The following ARHGAP15 variants were observed in gnomAD, a reference collection of about 807,000 sequenced individuals.
The protein encoded by ARHGAP15 is Rho GTPase activating protein 15, also known as rho GTPase-activating protein 15.
ARHGAP15 carries 51 observed loss-of-function variants against 63.7 expected under a neutral mutation model. That is an observed-to-expected ratio of 0.80 (90% confidence interval 0.64 to 1.01). The LOEUF is 1.01. Ranked by LOEUF, ARHGAP15 falls within the 50% of genes least tolerant of loss-of-function variation. The pLI, the probability that ARHGAP15 is intolerant of heterozygous loss-of-function variation, is 0.00. For missense variants in ARHGAP15, 560 were observed against 564.6 expected (o/e 0.99, Z 0.08); for synonymous variants, 191 against 193.8 (o/e 0.99, Z 0.12).
intron 6 of ARHGAP15, among the ~76,000 whole-genome samples, chr2:143,351,927 G>C (rs1388236823): frequency 6.6e-6 from 1 of 151,954 alleles, no homozygotes; most frequent in Non-Finnish European, 1.5e-5. Flanking sequence ...ATAAATAAAA[G>C]GATCAGTTCA....
At chr2:143,384,193 T>C (rs1687173146) in intron 6 of ARHGAP15, among the ~76,000 whole-genome samples, 1 of 152,182 alleles carries the variant, frequency 6.6e-6, no homozygotes, top group African/African-American at 2.4e-5. Context: ...TGTTGATTTT[T>C]TTTTTCTTTT....
intron 8 of ARHGAP15, among the ~76,000 whole-genome samples, chr2:143,439,502 G>A (rs1223008363): frequency 7.8e-6 from 1 of 128,720 alleles, no homozygotes; most frequent in Admixed American, 8.5e-5. Context: ...TAATTGTACA[G>A]TGACTTCATA....
At position 143,214,029 on chromosome 2, in the gene ARHGAP15, C is replaced by G. The variant is rs570256456; in HGVS notation, c.235-2355C>G. On this transcript the variant is annotated intron_variant, in intron 3 of 13. Coordinates refer to ENST00000295095, the MANE Select transcript of ARHGAP15 (RefSeq NM_018460.4). ...TAAACCTGTTTATGTTGATTTCTCC[C>G]TATAAGAGTATTAGCTTTTTCCTTT... 5.3e-5 allele frequency among the ~76,000 whole-genome samples: 8 copies of G among 152,270 alleles called. No individual in the cohort carries two copies. The East Asian group carries it at 1.4e-3, about 26-fold the overall frequency.
intron 6 of ARHGAP15, among the ~76,000 whole-genome samples, chr2:143,276,550 T>C (rs530666767): frequency 1.3e-5 from 2 of 152,354 alleles, no homozygotes; most frequent in South Asian, 4.1e-4. Flanking sequence ...TTTTGTTAAC[T>C]GGCATTTTTA....
chr2:143,606,232 T>C (rs1698023406), intron 11 of ARHGAP15, among the ~76,000 whole-genome samples: 1 of 152,128 alleles, frequency 6.6e-6, no homozygotes, highest in Non-Finnish European at 1.5e-5. Flanking sequence ...ACAGCACAAT[T>C]GAAGGAGTAT....
chr2:143,317,710 G>C (rs773371060), intron 6 of ARHGAP15, among the ~76,000 whole-genome samples: 6 of 152,182 alleles, frequency 3.9e-5, no homozygotes, highest in Non-Finnish European at 7.3e-5. Flanking sequence ...CGAGAAGATA[G>C]TTATGTGTTC....
chr2:143,705,696 A>G (rs889491657), intron 13 of ARHGAP15, among the ~76,000 whole-genome samples: 1 of 152,188 alleles, frequency 6.6e-6, no homozygotes, highest in African/African-American at 2.4e-5. Flanking sequence ...AAAGTTCTTG[A>G]GAAATATCCG....
Position 143,250,538 on chromosome 2 carries a change from G to A in ARHGAP15, c.412G>A (p.Asp138Asn), listed in dbSNP as rs1680105465. ...AACTGGGCACAAACCAGAAAGTGTG[G>A]ATTTGTGTGGAGCACACATTGAATG... ...MKTGHKPESV[D>N]LCGAHIEWAK... The change falls in exon 6 of 14, where the codon GAT becomes AAT. Residue 138 changes from aspartate to asparagine, a missense_variant. Transcript: ENST00000295095. 1 of 1,613,408 alleles carries A rather than the reference G, an allele frequency of 6.2e-7. No homozygotes were observed. Among genetic ancestry groups the A allele is most frequent in the Non-Finnish European group, 8.5e-7 (1 of 1,179,494 alleles).
chr2:143,759,608 C>A (rs1282125084), intron 13 of ARHGAP15, among the ~76,000 whole-genome samples: 1 of 152,154 alleles, frequency 6.6e-6, no homozygotes, highest in African/African-American at 2.4e-5. Flanking sequence ...GCATTTCCTA[C>A]CTCTTTCCCT....
At chr2:143,550,959 G>A (rs1695536119) in intron 10 of ARHGAP15, among the ~76,000 whole-genome samples, 1 of 152,118 alleles carries the variant, frequency 6.6e-6, no homozygotes. Context: ...ATAGCTCAGA[G>A]ATAATTTGAT....
chr2:143,148,259 C>T (rs774296687), intron 1 of ARHGAP15, among the ~76,000 whole-genome samples: 16 of 151,992 alleles, frequency 1.1e-4, no homozygotes, highest in South Asian at 2.1e-4. Flanking sequence ...CATCTCCAGT[C>T]CCATTCTCCA....
At chr2:143,287,128 T>C (rs1682145160) in intron 6 of ARHGAP15, among the ~76,000 whole-genome samples, 1 of 152,196 alleles carries the variant, frequency 6.6e-6, no homozygotes, top group South Asian at 2.1e-4. Context: ...TTTCTGTTTC[T>C]TGGCGTAAAC....
At chr2:143,168,776 A>T (rs867627286) in intron 2 of ARHGAP15, among the ~76,000 whole-genome samples, 3 of 152,140 alleles carry the variant, frequency 2.0e-5, no homozygotes, top group Admixed American at 2.0e-4. Context: ...TTAACTAGTC[A>T]TCTAATTATC....
At chr2:143,407,507 T>A (rs552359993) in intron 6 of ARHGAP15, among the ~76,000 whole-genome samples, 5 of 151,924 alleles carry the variant, frequency 3.3e-5, no homozygotes, top group Admixed American at 2.6e-4. Flanking sequence ...GCTTTTTCAC[T>A]CCTCAGTGGA....
At chr2:143,490,374 A>C (rs567927127) in intron 9 of ARHGAP15, among the ~76,000 whole-genome samples, 2 of 152,204 alleles carry the variant, frequency 1.3e-5, no homozygotes, top group African/African-American at 4.8e-5. Context: ...CTTTGAATTC[A>C]ACCAGCCTTT....
chr2:143,419,500 T>C (rs1160192178), intron 6 of ARHGAP15, among the ~76,000 whole-genome samples: 1 of 126,228 alleles, frequency 7.9e-6, no homozygotes, highest in Non-Finnish European at 1.7e-5. Flanking sequence ...CTTCAATTTA[T>C]TAAAGTAAAT....
intron 6 of ARHGAP15, among the ~76,000 whole-genome samples, chr2:143,339,689 A>G (rs1376587407): frequency 6.6e-6 from 1 of 152,118 alleles, no homozygotes; most frequent in East Asian, 1.9e-4. Flanking sequence ...CCTAGATTCC[A>G]TCTTGCTTCT....
chr2:143,340,866 C>T (rs1018651374), intron 6 of ARHGAP15, among the ~76,000 whole-genome samples: 4 of 152,062 alleles, frequency 2.6e-5, no homozygotes, highest in Non-Finnish European at 4.4e-5. Flanking sequence ...TGACCTTTGA[C>T]TTGGCAATGC....
At chr2:143,513,174 T>A (rs890884973) in intron 9 of ARHGAP15, among the ~76,000 whole-genome samples, 1 of 152,198 alleles carries the variant, frequency 6.6e-6, no homozygotes, top group Non-Finnish European at 1.5e-5. Context: ...ATCTGCCCTC[T>A]AGCTAGTGAA....
Sources: gnomAD v4.1 joint callset for allele counts (sites outside exome capture counted in the v4.1 genomes callset) on GRCh38, gnomAD v4.1.1 for gene constraint, MANE v1.5 for transcripts, NCBI Gene and HGNC (gene_info 2026-07-23, HGNC 2026-07-21) for gene names.